Variants in ACTR3B observed in about 807,000 individuals in gnomAD.
ACTR3B encodes actin related protein 3B, also known as actin-related protein 3B.
Under a neutral mutation model 59.0 loss-of-function variants are expected in ACTR3B, and 8 were observed. That is an observed-to-expected ratio of 0.14 (90% confidence interval 0.08 to 0.24). The LOEUF (loss-of-function observed/expected upper bound fraction) is 0.24. ACTR3B is among the 10% of genes least tolerant of loss of function. ACTR3B has a pLI of 1.00. For missense variants in ACTR3B, 245 were observed against 552.3 expected (o/e 0.44, Z 5.58); for synonymous variants, 148 against 197.9 (o/e 0.75, Z 2.12).
At chr7:152,834,671 T>A (rs1797303961) in intron 9 of ACTR3B, among the ~76,000 whole-genome samples, 1 of 152,204 alleles carries the variant, frequency 6.6e-6, no homozygotes, top group African/African-American at 2.4e-5. Flanking sequence ...CTCTTTTTTC[T>A]GTATTTAGGT....
chr7:152,759,794 C>A lies in ACTR3B; in HGVS notation c.-89C>A. On this transcript the variant is annotated 5_prime_UTR_variant, in exon 1 of 12. Coordinates refer to ENST00000256001, the MANE Select transcript of ACTR3B (RefSeq NM_020445.6). The stretch of plus-strand genomic sequence containing the variant: ...CGGCGCTGCGGCGGCTCGCGGGAGA[C>A]GCTGCGCGCGGGGCTAGCGGGCGGC... The A allele has an allele frequency of 9.6e-7, 1 of 1,045,972 alleles. No individual in the cohort carries two copies. The highest frequency in any genetic ancestry group is 1.2e-6 in the Non-Finnish European group (1 of 848,678). 64.8% of individuals were successfully genotyped at this position (1,045,972 alleles called of 1,614,324 possible).
At chr7:152,837,118 G>A (rs1399597175) in intron 9 of ACTR3B, among the ~76,000 whole-genome samples, 1 of 152,232 alleles carries the variant, frequency 6.6e-6, no homozygotes, top group Non-Finnish European at 1.5e-5. Flanking sequence ...GGAGGCTACA[G>A]GGAGTTAGGA....
At chr7:152,806,171 T>C (rs2098251541) in intron 4 of ACTR3B, among the ~76,000 whole-genome samples, 1 of 152,214 alleles carries the variant, frequency 6.6e-6, no homozygotes, top group Non-Finnish European at 1.5e-5. Context: ...GATCTTGTTA[T>C]AAATAATAGT....
intron 1 of ACTR3B, among the ~76,000 whole-genome samples, chr7:152,768,617 C>G (rs548889435): frequency 2.0e-5 from 3 of 151,902 alleles, no homozygotes; most frequent in African/African-American, 7.3e-5. Context: ...GCTGCAATTA[C>G]AGGCGCCCGC....
Position 152,800,614 on chromosome 7 carries a change from A to G in ACTR3B, c.184A>G (p.Ile62Val). 1 of 1,614,114 alleles carries G rather than the reference A, an allele frequency of 6.2e-7. No individual in the cohort carries two copies. Among genetic ancestry groups the G allele is most frequent in the Non-Finnish European group, 8.5e-7 (1 of 1,179,980 alleles). Residue 62 changes from isoleucine (I) to valine (V), a missense_variant, in exon 3 of 12, where the codon ATA (isoleucine) becomes GTA (valine). Transcript: ENST00000256001. ...LRGVDDLDFF[I>V]GDEAIDKPTY... ...GGGAGTTGATGACCTTGACTTTTTC[A>G]TAGGAGATGAAGCCATCGATAAACC...
intron 2 of ACTR3B, among the ~76,000 whole-genome samples, chr7:152,795,989 G>A (rs1446277577): frequency 1.3e-5 from 2 of 151,892 alleles, no homozygotes; most frequent in South Asian, 2.1e-4. Flanking sequence ...GATTATAGGC[G>A]CCCGCCCCCA....
At chr7:152,788,080 ACGTC>A (rs2098180548) in intron 2 of ACTR3B, among the ~76,000 whole-genome samples, 1 of 112,842 alleles carries the variant, frequency 8.9e-6, no homozygotes, top group Non-Finnish European at 1.8e-5. Context: ...ACCCACCACC[ACGTC>A]CAGCTAATTT....
At chr7:152,842,030 G>GC (rs1195911075) in intron 9 of ACTR3B, among the ~76,000 whole-genome samples, 1 of 152,172 alleles carries the variant, frequency 6.6e-6, no homozygotes, top group Non-Finnish European at 1.5e-5. Context: ...AAGTTCCTCA[G>GC]CCCCTGCTCC....
intron 7 of ACTR3B, among the ~76,000 whole-genome samples, chr7:152,821,794 CTCTT>C (rs1796188077): frequency 6.6e-6 from 1 of 152,250 alleles, no homozygotes; most frequent in South Asian, 2.1e-4. Context: ...CCTCACTTCT[CTCTT>C]TGAAGGAACA....
chr7:152,849,629 A>G (rs957271200), intron 9 of ACTR3B, among the ~76,000 whole-genome samples: 1 of 152,242 alleles, frequency 6.6e-6, no homozygotes, highest in African/African-American at 2.4e-5. Context: ...AAGCTAATAA[A>G]AAGGTCCTGT....
chr7:152,824,554 C>T lies in ACTR3B; in HGVS notation c.859-476C>T, dbSNP rs1490634765. 2.0e-5 allele frequency among the ~76,000 whole-genome samples: 3 copies of T among 152,168 alleles called. No homozygotes were observed. The highest frequency in any genetic ancestry group is 7.2e-5 in the African/African-American group (3 of 41,426). On this transcript the variant is annotated intron_variant, in intron 8 of 11. Transcript: ENST00000256001. The surrounding 1 kb of genome is among the most constrained non-coding windows in gnomAD (Gnocchi z 4.2). ...TGTGGATTGTTTCATGTTAAACAAA[C>T]CCTTCTCATTAAACAAAACACTTCC...
At chr7:152,765,637 T>C (rs1458075854) in intron 1 of ACTR3B, among the ~76,000 whole-genome samples, 1 of 152,152 alleles carries the variant, frequency 6.6e-6, no homozygotes, top group Non-Finnish European at 1.5e-5. Context: ...TTTTGAATAA[T>C]CAGCTATCAT....
intron 2 of ACTR3B, among the ~76,000 whole-genome samples, chr7:152,785,250 A>G (rs1215883588): frequency 6.7e-6 from 1 of 150,336 alleles, no homozygotes; most frequent in Non-Finnish European, 1.5e-5. Context: ...ATTCACTGTC[A>G]AAAAGCAGGA....
intron 2 of ACTR3B, among the ~76,000 whole-genome samples, chr7:152,783,537 C>T (rs1221058907): frequency 1.2e-3 from 176 of 151,848 alleles, no homozygotes; most frequent in Non-Finnish European, 2.2e-3. Context: ...ATTTTAAGTA[C>T]ATACAGTCTG....
At chr7:152,783,714 T>C (rs1288659334) in intron 2 of ACTR3B, among the ~76,000 whole-genome samples, 1 of 152,058 alleles carries the variant, frequency 6.6e-6, no homozygotes, top group Non-Finnish European at 1.5e-5. Flanking sequence ...ATAACAGAAG[T>C]GTCCTTGCAG....
chr7:152,813,998 C>T (rs1227224461), intron 4 of ACTR3B: 6 of 58,738 alleles, frequency 1.0e-4, no homozygotes, highest in African/African-American at 2.6e-4. Context: ...TGGGGAGGTC[C>T]TGGGCAGCGT....
At chr7:152,810,085 C>G (rs1458991240) in intron 4 of ACTR3B, among the ~76,000 whole-genome samples, 1 of 152,000 alleles carries the variant, frequency 6.6e-6, no homozygotes, top group Non-Finnish European at 1.5e-5. Flanking sequence ...GAACGAGTCC[C>G]CATTATTTCC....
At chr7:152,779,758 TTA>T (rs1457915516) in intron 1 of ACTR3B, among the ~76,000 whole-genome samples, 1 of 152,152 alleles carries the variant, frequency 6.6e-6, no homozygotes, top group Non-Finnish European at 1.5e-5. Flanking sequence ...ATCTACTGAG[TTA>T]TATTTAATAG....
At chr7:152,761,854 A>G (rs1260494190) in intron 1 of ACTR3B, among the ~76,000 whole-genome samples, 1 of 152,202 alleles carries the variant, frequency 6.6e-6, no homozygotes, top group African/African-American at 2.4e-5. Context: ...TAACCAAGCC[A>G]AAGGAAAAGA....
Sources: allele counts gnomAD v4.1 joint callset (sites outside exome capture counted in the v4.1 genomes callset), GRCh38; gene constraint gnomAD v4.1.1; non-coding constraint Gnocchi (gnomAD v3.1); transcripts MANE v1.5; gene names NCBI Gene and HGNC (gene_info 2026-07-23, HGNC 2026-07-21).